The following MAGI2 variants were observed in gnomAD, a reference collection of about 807,000 sequenced individuals.
MAGI2 encodes the protein membrane associated guanylate kinase, WW and PDZ domain containing 2.
In MAGI2, 35 loss-of-function variants were observed where a neutral mutation model predicts 133.3. The ratio of observed to expected loss-of-function variants is 0.26; its 90% confidence interval spans 0.20 to 0.35. The LOEUF (loss-of-function observed/expected upper bound fraction) is 0.35, where lower values mean the gene tolerates loss of function less well. MAGI2 is among the 10% of genes least tolerant of loss of function. The pLI is 1.00. For synonymous variants in MAGI2, 729 were observed against 710.6 expected (o/e 1.03, Z -0.41); for missense variants, 1,636 against 1,863.4 (o/e 0.88, Z 2.25).
At chr7:78,687,987 A>G (rs912232156) in intron 2 of MAGI2, among the ~76,000 whole-genome samples, 12 of 135,830 alleles carry the variant, frequency 8.8e-5, no homozygotes, top group Middle Eastern at 4.1e-3. Context: ...AAAAAAAAAA[A>G]AAAAAAAAAA....
intron 6 of MAGI2, among the ~76,000 whole-genome samples, chr7:78,471,175 C>T (rs1791167960): frequency 6.6e-6 from 1 of 152,096 alleles, no homozygotes; most frequent in African/African-American, 2.4e-5. Context: ...TAGGATGATA[C>T]CATCTGTTGA....
chr7:78,422,309 A>G (rs1037525523), intron 6 of MAGI2, among the ~76,000 whole-genome samples: 2 of 152,200 alleles, frequency 1.3e-5, no homozygotes, highest in Admixed American at 1.3e-4. Context: ...TTTGGATCCT[A>G]TAATTAGCAA....
intron 1 of MAGI2, among the ~76,000 whole-genome samples, chr7:79,269,729 C>T (rs1405433882): frequency 1.3e-5 from 2 of 152,058 alleles, no homozygotes; most frequent in African/African-American, 2.4e-5. Flanking sequence ...TTTGGTTATT[C>T]CTGGTTATAG....
intron 1 of MAGI2, among the ~76,000 whole-genome samples, chr7:79,379,149 C>T (rs551940926): frequency 7.1e-6 from 1 of 141,764 alleles, no homozygotes; most frequent in African/African-American, 2.6e-5. Context: ...GTGTGATGTT[C>T]CCCTTCCTGT....
intron 2 of MAGI2, among the ~76,000 whole-genome samples, chr7:78,823,909 TCACACACA>T (rs151269215): frequency 1.4e-5 from 2 of 148,052 alleles, no homozygotes; most frequent in Non-Finnish European, 3.0e-5. Context: ...GGATTTCACA[TCACACACA>T]CACACACACA....
At chr7:78,063,352 T>G (rs1813478735) in intron 21 of MAGI2, among the ~76,000 whole-genome samples, 1 of 152,194 alleles carries the variant, frequency 6.6e-6, no homozygotes, top group African/African-American at 2.4e-5. Flanking sequence ...AGAAATCCTC[T>G]TGCCTCAGTT....
At chr7:79,419,471 C>T (rs1846782008) in intron 1 of MAGI2, among the ~76,000 whole-genome samples, 1 of 152,096 alleles carries the variant, frequency 6.6e-6, no homozygotes, top group African/African-American at 2.4e-5. Context: ...TCCTTTATTT[C>T]CCTAGAAGTA....
chr7:79,402,794 T>TTG (rs1473996115), intron 1 of MAGI2, among the ~76,000 whole-genome samples: 1 of 152,148 alleles, frequency 6.6e-6, no homozygotes, highest in Non-Finnish European at 1.5e-5. Context: ...AGACCCCATC[T>TTG]CTAAGAAAAT....
chr7:78,826,322 C>T (rs1306608789), intron 2 of MAGI2, among the ~76,000 whole-genome samples: 2 of 139,800 alleles, frequency 1.4e-5, no homozygotes, highest in African/African-American at 5.4e-5. Flanking sequence ...CCACTGCACT[C>T]AGCCTAGGCG....
At chr7:78,915,111 G>C (rs1584378046) in intron 2 of MAGI2, among the ~76,000 whole-genome samples, 1 of 152,072 alleles carries the variant, frequency 6.6e-6, no homozygotes, top group Non-Finnish European at 1.5e-5. Context: ...CCTGAATAGA[G>C]CTTTATATCA....
intron 1 of MAGI2, among the ~76,000 whole-genome samples, chr7:79,311,575 C>T (rs191374569): frequency 1.3e-4 from 20 of 152,098 alleles, no homozygotes; most frequent in Admixed American, 2.0e-4. Flanking sequence ...CACCACCTGC[C>T]CCTATTTCCC....
Position 78,177,418 on chromosome 7 carries a change from GCACACA to G in MAGI2, c.2403+587_2403+592del, listed in dbSNP as rs3972360. Among the ~76,000 whole-genome samples the G allele has an allele frequency of 4.9e-3, 584 of 120,342 alleles. 2 individuals are homozygous for G. The highest frequency in any genetic ancestry group is 6.8e-3 in the African/African-American group (226 of 33,302). The allele number at this position is 120,342 out of a possible 152,430, so 78.9% of individuals were successfully genotyped here. A position where few individuals can be genotyped will look rare whatever the true frequency, so the allele number is the denominator to read the frequency against. On this transcript the variant is annotated intron_variant, in intron 14 of 21. Coordinates refer to ENST00000354212, the MANE Select transcript of MAGI2 (RefSeq NM_012301.4). ...ATTTTATGTTTCACTGTGAATACGCGCACACACACACACACACACACACACACAGAC... is the reference window on the plus strand; with the variant it reads ...ATTTTATGTTTCACTGTGAATACGCGCACACACACACACACACACACAGAC...
chr7:79,214,740 AATAT>A (rs1233219872), intron 1 of MAGI2, among the ~76,000 whole-genome samples: 1 of 140,556 alleles, frequency 7.1e-6, no homozygotes, highest in Non-Finnish European at 1.5e-5. Context: ...TATAAATATA[AATAT>A]ATAAATACAT....
At chr7:78,035,727 A>G (rs1584902744) in intron 21 of MAGI2, among the ~76,000 whole-genome samples, 2 of 148,006 alleles carry the variant, frequency 1.4e-5, no homozygotes, top group African/African-American at 5.0e-5. Context: ...CTTATTTGAC[A>G]TCTAATCATG....
intron 2 of MAGI2, among the ~76,000 whole-genome samples, chr7:78,983,127 T>G (rs928290092): frequency 6.6e-6 from 1 of 151,954 alleles, no homozygotes; most frequent in Non-Finnish European, 1.5e-5. Flanking sequence ...TTTTAAAAAT[T>G]AATGTCATTG....
At chr7:78,985,832 C>A (rs929849891) in intron 2 of MAGI2, among the ~76,000 whole-genome samples, 8 of 152,024 alleles carry the variant, frequency 5.3e-5, no homozygotes, top group Non-Finnish European at 1.2e-4. Context: ...GATATGACAG[C>A]TTTCTGGATA....
intron 1 of MAGI2, among the ~76,000 whole-genome samples, chr7:79,172,653 A>C (rs1286221280): frequency 6.6e-6 from 1 of 152,064 alleles, no homozygotes; most frequent in East Asian, 1.9e-4. Context: ...ATAAATTAAA[A>C]AGGTATTTAT....
intron 2 of MAGI2, among the ~76,000 whole-genome samples, chr7:78,998,156 T>C (rs1806495964): frequency 6.6e-6 from 1 of 152,194 alleles, no homozygotes; most frequent in South Asian, 2.1e-4. Context: ...CATGCATGGC[T>C]GGTTTTATCC....
intron 2 of MAGI2, among the ~76,000 whole-genome samples, chr7:78,860,706 G>T (rs889951293): frequency 6.6e-6 from 1 of 152,148 alleles, no homozygotes; most frequent in South Asian, 2.1e-4. Context: ...ACCCCCTTGA[G>T]GAGGCAGTCT....
Sources: gnomAD v4.1 joint callset for allele counts (sites outside exome capture counted in the v4.1 genomes callset) on GRCh38, gnomAD v4.1.1 for gene constraint, MANE v1.5 for transcripts, NCBI Gene and HGNC (gene_info 2026-07-23, HGNC 2026-07-21) for gene names.